HCRTR2: variants seen among roughly 807,000 people sequenced by gnomAD.
HCRTR2 encodes orexin receptor type 2.
Under a neutral mutation model 49.0 loss-of-function variants are expected in HCRTR2, and 22 were observed. That is an observed-to-expected ratio of 0.45 (90% CI 0.32 to 0.64). The LOEUF (loss-of-function observed/expected upper bound fraction) is 0.64. Among genes scored for constraint, HCRTR2 ranks in the 30% least tolerant of loss-of-function variants. HCRTR2 has a pLI of 0.04. For missense variants in HCRTR2, 491 were observed against 559.4 expected (o/e 0.88, Z 1.23); for synonymous variants, 236 against 205.3 (o/e 1.15, Z -1.28).
chr6:55,223,721 T>G (rs1232748542), intron 1 of HCRTR2, among the ~76,000 whole-genome samples: 1 of 152,150 alleles, frequency 6.6e-6, no homozygotes, highest in East Asian at 1.9e-4. Flanking sequence ...TAGGTTAAAC[T>G]GTAGGTTGAT....
chr6:55,260,909 C>T (rs192422450), intron 3 of HCRTR2, among the ~76,000 whole-genome samples: 2 of 152,154 alleles, frequency 1.3e-5, no homozygotes, highest in Non-Finnish European at 2.9e-5. Context: ...AGCTTTCATG[C>T]TTCTACATCC....
At chr6:55,184,947 A>T (rs949866920) in intron 1 of HCRTR2, among the ~76,000 whole-genome samples, 2 of 152,100 alleles carry the variant, frequency 1.3e-5, no homozygotes, top group African/African-American at 4.8e-5. Flanking sequence ...TGAGTCAACC[A>T]CTTTGGTAGA....
intron 1 of HCRTR2, among the ~76,000 whole-genome samples, chr6:55,177,844 TG>T (rs1765067324): frequency 6.6e-6 from 1 of 152,128 alleles, no homozygotes; most frequent in African/African-American, 2.4e-5. Flanking sequence ...AGCAGTTTCC[TG>T]GGGGAGTAAA....
chr6:55,281,158 T>C (rs1767182874), intron 6 of HCRTR2, among the ~76,000 whole-genome samples: 1 of 152,182 alleles, frequency 6.6e-6, no homozygotes. Context: ...TATCTTCAAA[T>C]ATATGGTGAT....
chr6:55,208,689 TGGTGTCA>T (rs1765647450), intron 1 of HCRTR2, among the ~76,000 whole-genome samples: 1 of 152,196 alleles, frequency 6.6e-6, no homozygotes, highest in Non-Finnish European at 1.5e-5. Context: ...CACTTTAAGC[TGGTGTCA>T]GTCTTCCCAT....
At chr6:55,281,908 A>T (rs1243118335) in intron 6 of HCRTR2, among the ~76,000 whole-genome samples, 1 of 152,140 alleles carries the variant, frequency 6.6e-6, no homozygotes, top group Non-Finnish European at 1.5e-5. Flanking sequence ...TCTACTGATG[A>T]TCACTTCCAT....
chr6:55,263,746 T>A lies in HCRTR2; in HGVS notation c.686T>A (p.Leu229Gln). The A allele has an allele frequency of 6.2e-7, 1 of 1,612,674 alleles. No homozygotes were observed. Among genetic ancestry groups the A allele is most frequent in the Non-Finnish European group, 8.5e-7 (1 of 1,179,076 alleles). ...AAGATGTACCACATCTGTTTCTTTC[T>A]GGTGACATACATGGCACCACTGTGT... is the stretch of plus-strand genomic sequence containing the variant. ...YPKMYHICFF[L>Q]VTYMAPLCLM... The change falls in exon 4 of 7, where the codon CTG (leucine) becomes CAG (glutamine). Residue 229 changes from leucine to glutamine, a missense_variant. Transcript: ENST00000370862.
At chr6:55,135,288 A>C (rs1293166468) in intron 1 of HCRTR2, among the ~76,000 whole-genome samples, 1 of 152,098 alleles carries the variant, frequency 6.6e-6, no homozygotes, top group Non-Finnish European at 1.5e-5. Flanking sequence ...GAAAAAGATA[A>C]TTTTGTAGAG....
At chr6:55,263,846 G>C in intron 4 of HCRTR2, 24 bp downstream of exon 4, 1 of 1,305,150 alleles carries the variant, frequency 7.7e-7, no homozygotes, top group Non-Finnish European at 1.1e-6. Context: ...AATATTTTGC[G>C]TGCATTATTC....
intron 1 of HCRTR2, among the ~76,000 whole-genome samples, chr6:55,184,723 C>T (rs1765188742): frequency 6.6e-6 from 1 of 152,088 alleles, no homozygotes; most frequent in African/African-American, 2.4e-5. Context: ...TTTGCTGTTC[C>T]TAGTTCACAA....
At chr6:55,185,956 A>G (rs9349764) in intron 1 of HCRTR2, among the ~76,000 whole-genome samples, 3,995 of 152,282 alleles carry the variant, frequency 0.026, 59 homozygotes, top group African/African-American at 0.036. Context: ...CTCAGCTCAC[A>G]CTGCACTTTC....
chr6:55,202,514 G>C (rs1200320648), intron 1 of HCRTR2, among the ~76,000 whole-genome samples: 1 of 152,128 alleles, frequency 6.6e-6, no homozygotes. Context: ...ACAGAAATTT[G>C]TTTCCAACTG....
At chr6:55,133,658 CT>C (rs1192175582) in intron 1 of HCRTR2, among the ~76,000 whole-genome samples, 113 of 134,342 alleles carry the variant, frequency 8.4e-4, no homozygotes, top group Admixed American at 3.0e-3. Context: ...ATCTATCTAT[CT>C]ATCATCTATC....
chr6:55,111,324 G>A (rs1764045591), intron 1 of HCRTR2, among the ~76,000 whole-genome samples: 1 of 150,870 alleles, frequency 6.6e-6, no homozygotes, highest in African/African-American at 2.4e-5. Context: ...AAAGATCTGA[G>A]CAGAACTGAA....
intron 1 of HCRTR2, among the ~76,000 whole-genome samples, chr6:55,233,418 T>C (rs1398283254): frequency 6.6e-6 from 1 of 152,168 alleles, no homozygotes; most frequent in Admixed American, 6.6e-5. Flanking sequence ...GGGATCATTG[T>C]ACATTATTAT....
At chr6:55,225,960 A>G (rs1213972307) in intron 1 of HCRTR2, among the ~76,000 whole-genome samples, 2 of 152,228 alleles carry the variant, frequency 1.3e-5, no homozygotes, top group Non-Finnish European at 2.9e-5. Context: ...CCTCACCACA[A>G]TACTGTTAAA....
chr6:55,187,682 C>CGT, intron 1 of HCRTR2, among the ~76,000 whole-genome samples: 1 of 102,234 alleles, frequency 9.8e-6, no homozygotes, highest in South Asian at 3.8e-4. Flanking sequence ...ATTATTTGAT[C>CGT]TTTTTTTTTT....
At chr6:55,160,205 T>C (rs1764787156) in intron 1 of HCRTR2, among the ~76,000 whole-genome samples, 1 of 152,112 alleles carries the variant, frequency 6.6e-6, no homozygotes, top group Admixed American at 6.6e-5. Flanking sequence ...AGAAAAGAAT[T>C]TTCAACCCAC....
At chr6:55,277,088 C>A (rs531636449) in intron 4 of HCRTR2, among the ~76,000 whole-genome samples, 9 of 152,298 alleles carry the variant, frequency 5.9e-5, no homozygotes, top group African/African-American at 2.2e-4. Context: ...TCTCCTTTCC[C>A]AAGCTTTGTT....
Sources: allele counts gnomAD v4.1 joint callset (sites outside exome capture counted in the v4.1 genomes callset), GRCh38; gene constraint gnomAD v4.1.1; transcripts MANE v1.5; gene names NCBI Gene and HGNC (gene_info 2026-07-23, HGNC 2026-07-21).